CUX1: variants seen among roughly 807,000 people sequenced by gnomAD.
CUX1 encodes protein CASP.
CUX1 carries 31 observed loss-of-function variants against 158.8 expected under a neutral mutation model. That is an observed-to-expected ratio of 0.20 (90% CI 0.15 to 0.26). The LOEUF (loss-of-function observed/expected upper bound fraction) is 0.26. Among genes scored for constraint, CUX1 ranks in the 10% least tolerant of loss-of-function variants. The pLI, the probability that CUX1 is intolerant of heterozygous loss-of-function variation, is 1.00. For missense variants in CUX1, 1,589 were observed against 2,014.6 expected, an observed-to-expected ratio of 0.79 and a Z score of 4.04; for synonymous variants, 879 against 862.1, an observed-to-expected ratio of 1.02 and a Z score of -0.34.
intron 8 of CUX1, among the ~76,000 whole-genome samples, chr7:102,137,338 A>G (rs1834018505): frequency 6.6e-6 from 1 of 152,182 alleles, no homozygotes; most frequent in South Asian, 2.1e-4. Context: ...GGTTTTTGCC[A>G]TTAAAAGTAA....
At chr7:102,085,374 A>G (rs1370762779) in intron 4 of CUX1, among the ~76,000 whole-genome samples, 1 of 152,186 alleles carries the variant, frequency 6.6e-6, no homozygotes, top group Non-Finnish European at 1.5e-5. Flanking sequence ...CTCATCTTGA[A>G]TTGTAGTTCC....
At chr7:102,145,965 A>T (rs1435446523) in intron 8 of CUX1, among the ~76,000 whole-genome samples, 2 of 152,126 alleles carry the variant, frequency 1.3e-5, no homozygotes, top group African/African-American at 4.8e-5. Flanking sequence ...ATAAATAAAA[A>T]TTTTTACAAA....
At chr7:101,876,296 G>T (rs1799124119) in intron 1 of CUX1, among the ~76,000 whole-genome samples, 1 of 149,238 alleles carries the variant, frequency 6.7e-6, no homozygotes, top group African/African-American at 2.5e-5. Context: ...AGTGAGCCGA[G>T]ATGGTGCCAC....
intron 14 of CUX1, among the ~76,000 whole-genome samples, chr7:102,272,913 C>A (rs1791328886): frequency 6.6e-6 from 1 of 152,164 alleles, no homozygotes; most frequent in Non-Finnish European, 1.5e-5. Context: ...GCTTTCTCTG[C>A]CTCTCCTACC....
chr7:102,168,061 G>A (rs1312695181), intron 9 of CUX1, among the ~76,000 whole-genome samples: 1 of 149,826 alleles, frequency 6.7e-6, no homozygotes, highest in Admixed American at 6.7e-5. Context: ...CTGGGTGACA[G>A]AATGAGATTC....
intron 2 of CUX1, among the ~76,000 whole-genome samples, chr7:101,921,368 C>T (rs932700325): frequency 1.3e-5 from 2 of 152,116 alleles, no homozygotes; most frequent in Admixed American, 6.5e-5. Context: ...GAATACTCAC[C>T]GTGTAACTCA....
chr7:102,239,714 C>G, intron 23 of CUX1, 130 bp downstream of exon 23: 1 of 1,032,440 alleles, frequency 9.7e-7, no homozygotes, highest in African/African-American at 1.6e-5. Context: ...GTGATTGGTC[C>G]GTTCCTTGGT....
At chr7:101,995,834 C>A (rs940239213) in intron 2 of CUX1, among the ~76,000 whole-genome samples, 2 of 152,062 alleles carry the variant, frequency 1.3e-5, no homozygotes, top group African/African-American at 4.8e-5. Context: ...GATGCAGGAC[C>A]GGCTGCGGTG....
chr7:102,008,444 C>T (rs1250617094), intron 2 of CUX1, among the ~76,000 whole-genome samples: 1 of 152,044 alleles, frequency 6.6e-6, no homozygotes, highest in African/African-American at 2.4e-5. Context: ...TTCCTTGGGC[C>T]CCCGTTGTAG....
rs746324494 is a variant in CUX1 at position 102,188,228 on chromosome 7, C to G, written c.1018-1585C>G. On this transcript the variant is annotated intron_variant, in intron 11 of 23. Coordinates refer to ENST00000292535, the MANE Select transcript of CUX1 (RefSeq NM_181552.4). ...TTAAAAAAAAAAAGAAGAAGAAGAA[C>G]AAGAAGCATAATACCTAGAAACCCT... Among the ~76,000 whole-genome samples the G allele has an allele frequency of 2.4e-4, 36 of 151,564 alleles. 1 individual carries two copies. The highest frequency in any genetic ancestry group is 3.4e-3 in the Middle Eastern group (1 of 294).
chr7:101,970,249 G>A (rs1179072763), intron 2 of CUX1, among the ~76,000 whole-genome samples: 3 of 152,124 alleles, frequency 2.0e-5, no homozygotes, highest in East Asian at 1.9e-4. Flanking sequence ...GGAAGCCTGC[G>A]GTAGGAAATT....
At chr7:101,974,369 G>A (rs1812382154) in intron 2 of CUX1, among the ~76,000 whole-genome samples, 1 of 152,082 alleles carries the variant, frequency 6.6e-6, no homozygotes, top group African/African-American at 2.4e-5. Flanking sequence ...AGATTATCAG[G>A]AAGCGAAATA....
intron 2 of CUX1, among the ~76,000 whole-genome samples, chr7:102,002,504 G>A (rs1301378907): frequency 6.6e-6 from 1 of 152,222 alleles, no homozygotes; most frequent in Non-Finnish European, 1.5e-5. Flanking sequence ...GCTTTGTATA[G>A]AGATTGGGGC....
At chr7:101,897,028 C>G (rs1329152397) in intron 1 of CUX1, among the ~76,000 whole-genome samples, 3 of 152,264 alleles carry the variant, frequency 2.0e-5, no homozygotes, top group Non-Finnish European at 4.4e-5. Context: ...GCACACACAA[C>G]TGTCTTGAAG....
chr7:102,132,680 CTTTTTTTTTTT>C (rs1174779466), intron 8 of CUX1, among the ~76,000 whole-genome samples: 2 of 115,182 alleles, frequency 1.7e-5, no homozygotes, highest in African/African-American at 7.0e-5. Context: ...CTTTGCTTTT[CTTTTTTTTTTT>C]TTTTTTTTGA....
rs1272291504 is a variant in CUX1 at position 102,222,215 on chromosome 7, C to T, written c.3131-5152C>T. Among the ~76,000 whole-genome samples, 4 of 152,064 alleles carry T rather than the reference C, an allele frequency of 2.6e-5. No homozygotes were observed. The South Asian group carries it at 6.2e-4, about 24-fold the overall frequency. ...GTCTCTGAAGCCCAGGAGGTCGAGA[C>T]TGCAGTGAACCATGATCACACCACT... On this transcript the variant is annotated intron_variant, in intron 20 of 23. Transcript: ENST00000292535.
In CUX1 at chr7:102,175,816, GT is replaced by G. The variant is rs1334262343; in HGVS notation, c.829-2647del. Among the ~76,000 whole-genome samples the G allele has an allele frequency of 5.3e-5, 8 of 152,170 alleles. 1 individual carries two copies. Among genetic ancestry groups the G allele is most frequent in the Admixed American group, 1.3e-4 (2 of 15,272 alleles). On this transcript the variant is annotated intron_variant, in intron 10 of 23. Coordinates refer to ENST00000292535, the MANE Select transcript of CUX1 (RefSeq NM_181552.4). ...TCCCTGTGATGGACAGTTTTGTTTT[GT>G]TTTTTAAATTTCCAGTCTGTGGCAG... is the stretch of plus-strand genomic sequence containing the variant.
At chr7:102,128,986 G>A (rs1554496314) in intron 8 of CUX1, among the ~76,000 whole-genome samples, 1 of 151,628 alleles carries the variant, frequency 6.6e-6, no homozygotes. Context: ...AAAAAAAAGA[G>A]AAAAGAATGC....
At chr7:102,102,028 A>G (rs918358812) in intron 5 of CUX1, among the ~76,000 whole-genome samples, 1 of 152,124 alleles carries the variant, frequency 6.6e-6, no homozygotes, top group Non-Finnish European at 1.5e-5. Context: ...CCATTCTGGA[A>G]GTGTCCAGCT....
Sources: allele counts gnomAD v4.1 joint callset (sites outside exome capture counted in the v4.1 genomes callset), GRCh38; gene constraint gnomAD v4.1.1; transcripts MANE v1.5; gene names NCBI Gene and HGNC (gene_info 2026-07-23, HGNC 2026-07-21).